Variants in MED13 observed in about 807,000 individuals in gnomAD.
MED13 encodes the protein mediator complex subunit 13, also known as mediator of RNA polymerase II transcription subunit 13.
Under a neutral mutation model 225.2 loss-of-function variants are expected in MED13, and 23 were observed. That is an observed-to-expected ratio of 0.10 (90% CI 0.07 to 0.14). The LOEUF (loss-of-function observed/expected upper bound fraction) is 0.14. Among genes scored for constraint, MED13 ranks in the 10% least tolerant of loss-of-function variants. MED13 has a pLI of 1.00. For missense variants in MED13, 2,197 were observed against 2,594.5 expected, an observed-to-expected ratio of 0.85 and a Z score of 3.33; for synonymous variants, 942 against 889.2, an observed-to-expected ratio of 1.06 and a Z score of -1.06.
At chr17:61,951,143 G>C in intron 27 of MED13, 145 bp from the exon 28 acceptor site, 1 of 554,322 alleles carries the variant, frequency 1.8e-6, no homozygotes, top group Non-Finnish European at 2.9e-6. Context: ...AAAAAAACCA[G>C]TTTCTATGTA....
chr17:61,988,711 C>T (rs2080269175), intron 11 of MED13, among the ~76,000 whole-genome samples: 1 of 151,756 alleles, frequency 6.6e-6, no homozygotes, highest in African/African-American at 2.4e-5. Context: ...GCCCAAACAA[C>T]CCAATTTGTT....
At chr17:62,025,695 C>T (rs72843785) in intron 8 of MED13, among the ~76,000 whole-genome samples, 10,163 of 152,264 alleles carry the variant, frequency 0.067, 588 homozygotes, top group South Asian at 0.31. Flanking sequence ...AGCTTACAGG[C>T]CATACAAAAC....
intron 2 of MED13, among the ~76,000 whole-genome samples, chr17:62,060,090 G>A (rs867354088): frequency 3.9e-5 from 6 of 151,994 alleles, no homozygotes; most frequent in Non-Finnish European, 8.8e-5. Context: ...TCAGGAGTTC[G>A]AGACCAGCCT....
chr17:61,969,602 T>C (rs1174442098), intron 17 of MED13, among the ~76,000 whole-genome samples: 2 of 151,248 alleles, frequency 1.3e-5, no homozygotes, highest in Non-Finnish European at 2.9e-5. Flanking sequence ...TTTCTTTTAG[T>C]TTTTTTTTGT....
chr17:61,961,198 A>G (rs2079996076), intron 22 of MED13, 108 bp from the exon 23 acceptor site: 4 of 1,024,168 alleles, frequency 3.9e-6, no homozygotes, highest in Non-Finnish European at 5.6e-6. Flanking sequence ...GGAAAATGAC[A>G]GCTAAGCCAA....
intron 16 of MED13, among the ~76,000 whole-genome samples, chr17:61,981,024 AT>A (rs140013131): frequency 8.2e-4 from 118 of 144,770 alleles, no homozygotes; most frequent in African/African-American, 2.6e-3. Flanking sequence ...GCACCCAGCC[AT>A]TTTTTTTTTC....
intron 9 of MED13, among the ~76,000 whole-genome samples, chr17:62,008,113 C>T (rs998125447): frequency 1.3e-5 from 2 of 149,396 alleles, no homozygotes; most frequent in East Asian, 2.0e-4. Context: ...GTCAGGAGAT[C>T]GAGACCATCC....
Position 61,992,630 on chromosome 17 carries a change from A to G in MED13, c.2182-9T>C. Reference sequence around the variant, plus strand: ...GATGTCCCATCTTCTACCTGCAAACAAATATTTCATGTTAGGCTGAAATAT... The same window carrying G: ...GATGTCCCATCTTCTACCTGCAAACGAATATTTCATGTTAGGCTGAAATAT... On this transcript the variant is annotated splice_polypyrimidine_tract_variant and intron_variant, in intron 10 of 29. Transcript: ENST00000397786. The G allele has an allele frequency of 5.7e-6, 9 of 1,581,578 alleles. No individual in the cohort carries two copies. The highest frequency in any genetic ancestry group is 7.8e-6 in the Non-Finnish European group (9 of 1,151,986).
At chr17:61,949,233 C>T (rs894142690) in intron 28 of MED13, among the ~76,000 whole-genome samples, 7 of 151,918 alleles carry the variant, frequency 4.6e-5, no homozygotes, top group Non-Finnish European at 7.4e-5. Flanking sequence ...CTAACAAATT[C>T]GGTTTTGTTT....
chr17:61,960,700 G>A (rs998503752), intron 23 of MED13, among the ~76,000 whole-genome samples, 167 bp downstream of exon 23: 1 of 151,780 alleles, frequency 6.6e-6, no homozygotes, highest in Non-Finnish European at 1.5e-5. Flanking sequence ...AATTATGTTA[G>A]TTATACAATA....
intron 2 of MED13, among the ~76,000 whole-genome samples, chr17:62,062,062 C>T (rs1475988462): frequency 6.6e-6 from 1 of 152,014 alleles, no homozygotes; most frequent in Non-Finnish European, 1.5e-5. Context: ...TACATTCTAT[C>T]CAAAAATAAA....
At chr17:61,973,739 T>C (rs142244602) in intron 16 of MED13, among the ~76,000 whole-genome samples, 2 of 152,344 alleles carry the variant, frequency 1.3e-5, no homozygotes, top group East Asian at 3.9e-4. Flanking sequence ...TCCAGCACTT[T>C]GGGAGGCCAA....
intron 8 of MED13, among the ~76,000 whole-genome samples, chr17:62,021,011 TCA>T (rs2080637669): frequency 6.7e-6 from 1 of 150,064 alleles, no homozygotes; most frequent in Non-Finnish European, 1.5e-5. Flanking sequence ...GGGGGTAAGG[TCA>T]CAGATCAACA....
Position 61,972,777 on chromosome 17 carries a change from C to G in MED13, c.3917G>C (p.Gly1306Ala). 1 of 1,613,600 alleles carries G rather than the reference C, an allele frequency of 6.2e-7. No homozygotes were observed. The highest frequency in any genetic ancestry group is 8.5e-7 in the Non-Finnish European group (1 of 1,179,842). Residue 1306 changes from glycine (G) to alanine (A), a missense_variant, in exon 17 of 30, where the codon GGT (glycine) becomes GCT (alanine). By Grantham distance (60) the Gly-to-Ala change is moderately conservative (BLOSUM62 0). This residue lies in a region of MED13 where 203 missense variants were observed against 209.7 expected (regional missense o/e 0.97). Transcript: ENST00000397786. ...KRTVRPWGVQ[G>A]PLTWQQFHKM... Reference sequence around the variant, plus strand: ...ATGAAATTGTTGCCAAGTGAGAGGACCCTGAACACCCCAAGGTCTTACTGT... The same window carrying G: ...ATGAAATTGTTGCCAAGTGAGAGGAGCCTGAACACCCCAAGGTCTTACTGT...
At chr17:61,948,777 T>G (rs975879364) in intron 28 of MED13, among the ~76,000 whole-genome samples, 6 of 151,370 alleles carry the variant, frequency 4.0e-5, no homozygotes, top group East Asian at 2.0e-4. Context: ...CAACTTCCGG[T>G]GGTTTTACAT....
chr17:61,998,342 A>T (rs2080363291), intron 9 of MED13, among the ~76,000 whole-genome samples: 1 of 152,218 alleles, frequency 6.6e-6, no homozygotes, highest in South Asian at 2.1e-4. Context: ...GAAGTGCTGC[A>T]AGGCCCAAAG....
intron 17 of MED13, among the ~76,000 whole-genome samples, chr17:61,971,948 T>C (rs904769228): frequency 3.3e-5 from 5 of 151,792 alleles, no homozygotes; most frequent in Non-Finnish European, 7.4e-5. Flanking sequence ...AAAAACCAAA[T>C]AAATAAAATA....
chr17:62,003,403 C>G (rs1328849577), intron 9 of MED13, among the ~76,000 whole-genome samples: 1 of 151,864 alleles, frequency 6.6e-6, no homozygotes, highest in Non-Finnish European at 1.5e-5. Context: ...GTCAGGAGTT[C>G]GAGACCAGCC....
intron 9 of MED13, chr17:62,003,742 A>C (rs1463242968): frequency 6.6e-6 from 1 of 151,776 alleles, no homozygotes; most frequent in Non-Finnish European, 1.5e-5. Context: ...TCCCTTGTCT[A>C]TAAGGCAGAA....
Sources: gnomAD v4.1 joint callset for allele counts (sites outside exome capture counted in the v4.1 genomes callset) on GRCh38, gnomAD v4.1.1 for gene constraint, gnomAD v4.1.1 regional missense constraint, MANE v1.5 for transcripts, NCBI Gene and HGNC (gene_info 2026-07-23, HGNC 2026-07-21) for gene names.